The following PRKCA variants were observed in gnomAD, a reference collection of about 807,000 sequenced individuals.
The protein encoded by PRKCA is protein kinase C alpha.
A neutral mutation model predicts 87.0 loss-of-function variants in PRKCA; 27 were observed. The ratio of observed to expected loss-of-function variants is 0.31; its 90% CI spans 0.23 to 0.43. The LOEUF (loss-of-function observed/expected upper bound fraction) is 0.43. Among genes scored for constraint, PRKCA ranks in the 20% least tolerant of loss-of-function variants. The pLI is 1.00. For missense variants in PRKCA, 518 were observed against 852.3 expected (o/e 0.61, Z 4.88); for synonymous variants, 329 against 311.1 (o/e 1.06, Z -0.61).
chr17:66,364,131 T>C (rs536971816), intron 2 of PRKCA: 12 of 152,368 alleles, frequency 7.9e-5, no homozygotes, highest in African/African-American at 2.9e-4. Flanking sequence ...ACTGTGCCAG[T>C]TGAGTGCACT....
chr17:66,474,913 C>T (rs1218534507), intron 2 of PRKCA, among the ~76,000 whole-genome samples: 1 of 152,172 alleles, frequency 6.6e-6, no homozygotes, highest in Non-Finnish European at 1.5e-5. Flanking sequence ...ACCACTCAGT[C>T]CTCTCTTCTC....
In PRKCA at chr17:66,444,929, G is replaced by A. The variant is rs184451638; in HGVS notation, c.206-51272G>A. On this transcript the variant is annotated intron_variant, in intron 2 of 16. Coordinates refer to ENST00000413366, the MANE Select transcript of PRKCA (RefSeq NM_002737.3). ...AGTTAACACCTTTCCCCACTAATCA[G>A]AACACAACACACAACACACACACAC... 2.1e-3 allele frequency among the ~76,000 whole-genome samples: 318 copies of A among 152,012 alleles called. 1 individual carries two copies. Among genetic ancestry groups the A allele is most frequent in the African/African-American group, 7.0e-3 (292 of 41,442 alleles).
intron 8 of PRKCA, among the ~76,000 whole-genome samples, chr17:66,729,161 C>A (rs1486937861): frequency 2.0e-5 from 3 of 152,150 alleles, no homozygotes; most frequent in Non-Finnish European, 2.9e-5. Flanking sequence ...CCTGTAATAC[C>A]AGCACTTTGG....
intron 5 of PRKCA, among the ~76,000 whole-genome samples, chr17:66,646,713 C>T (rs1265503967): frequency 6.6e-6 from 1 of 152,166 alleles, no homozygotes; most frequent in African/African-American, 2.4e-5. Context: ...GAAACATCCT[C>T]AGGTTTTTCC....
At chr17:66,766,194 G>A (rs1334655048) in intron 13 of PRKCA, among the ~76,000 whole-genome samples, 1 of 152,218 alleles carries the variant, frequency 6.6e-6, no homozygotes, top group African/African-American at 2.4e-5. Flanking sequence ...GGAGGAAGGA[G>A]AGCGTGTTAT....
chr17:66,305,140 A>G (rs1904743665), intron 1 of PRKCA, among the ~76,000 whole-genome samples: 2 of 151,844 alleles, frequency 1.3e-5, no homozygotes, highest in South Asian at 4.2e-4. Context: ...AAGTCCCAGG[A>G]AACCATCCAC....
intron 2 of PRKCA, among the ~76,000 whole-genome samples, chr17:66,452,802 T>G (rs1035151113): frequency 1.7e-4 from 26 of 152,302 alleles, no homozygotes; most frequent in African/African-American, 6.3e-4. Flanking sequence ...AGGCGGAGCA[T>G]GCAGTGAGCC....
intron 3 of PRKCA, among the ~76,000 whole-genome samples, chr17:66,580,302 G>A (rs1007319983): frequency 6.6e-6 from 1 of 152,176 alleles, no homozygotes; most frequent in Admixed American, 6.5e-5. Context: ...GAGTCAAGAG[G>A]TCGCTTTCAG....
At chr17:66,634,289 A>AT (rs2143763308) in intron 3 of PRKCA, among the ~76,000 whole-genome samples, 1 of 152,186 alleles carries the variant, frequency 6.6e-6, no homozygotes, top group Admixed American at 6.5e-5. Context: ...CAAAGCCTTC[A>AT]TTTTTTTCTC....
At chr17:66,445,229 G>T (rs1913972371) in intron 2 of PRKCA, among the ~76,000 whole-genome samples, 1 of 152,178 alleles carries the variant, frequency 6.6e-6, no homozygotes, top group Non-Finnish European at 1.5e-5. Flanking sequence ...TGGTTTAATG[G>T]AGTCTCCACT....
chr17:66,578,153 AAC>A (rs138451427), intron 3 of PRKCA, among the ~76,000 whole-genome samples: 4 of 151,832 alleles, frequency 2.6e-5, no homozygotes, highest in South Asian at 4.2e-4. Context: ...AACAAAACAA[AAC>A]AAAACAGCCC....
At chr17:66,535,824 C>G (rs1967759718) in intron 3 of PRKCA, among the ~76,000 whole-genome samples, 1 of 152,188 alleles carries the variant, frequency 6.6e-6, no homozygotes, top group South Asian at 2.1e-4. Context: ...GAGGGGCCCC[C>G]ACAGCTGTGG....
At chr17:66,407,582 A>G (rs1227555510) in intron 2 of PRKCA, among the ~76,000 whole-genome samples, 1 of 152,160 alleles carries the variant, frequency 6.6e-6, no homozygotes, top group Non-Finnish European at 1.5e-5. Context: ...CTAATGCACC[A>G]TCTATGCATT....
rs983965768 is a variant in PRKCA at position 66,803,013 on chromosome 17, A to C, written c.1855-860A>C. Among the ~76,000 whole-genome samples, 7 of 152,146 alleles carry C rather than the reference A, an allele frequency of 4.6e-5. No homozygotes were observed. Among genetic ancestry groups the C allele is most frequent in the African/African-American group, 1.4e-4 (6 of 41,428 alleles). On this transcript the variant is annotated intron_variant, in intron 16 of 16. Transcript: ENST00000413366. This position sits in a 1 kb window ranked among gnomAD's most constrained non-coding sequence, Gnocchi z 4.4. ...ACGCCACTACCCTTGTGGGTGGCTGACAAGGTGAAGAGAACACTCCTTCCC... is the reference window on the plus strand; with the variant it reads ...ACGCCACTACCCTTGTGGGTGGCTGCCAAGGTGAAGAGAACACTCCTTCCC...
chr17:66,345,022 G>C (rs951794638), intron 2 of PRKCA, among the ~76,000 whole-genome samples: 1 of 152,112 alleles, frequency 6.6e-6, no homozygotes, highest in Non-Finnish European at 1.5e-5. Flanking sequence ...TTTATGTAAT[G>C]CCCCTGCATA....
intron 5 of PRKCA, among the ~76,000 whole-genome samples, chr17:66,675,605 T>C (rs890785405): frequency 6.6e-6 from 1 of 152,082 alleles, no homozygotes; most frequent in South Asian, 2.1e-4. Flanking sequence ...AACTGCAGTG[T>C]TGTATTAAAG....
intron 13 of PRKCA, among the ~76,000 whole-genome samples, chr17:66,768,268 G>GA (rs1974855797): frequency 7.1e-6 from 1 of 141,394 alleles, no homozygotes; most frequent in African/African-American, 2.7e-5. Flanking sequence ...TTTTGGGGGG[G>GA]AGAGATTAGG....
chr17:66,611,028 G>T (rs1353487137), intron 3 of PRKCA, among the ~76,000 whole-genome samples: 1 of 152,158 alleles, frequency 6.6e-6, no homozygotes. Context: ...AGGAACTGGG[G>T]TCAAAGACCA....
intron 13 of PRKCA, among the ~76,000 whole-genome samples, chr17:66,746,570 T>C (rs1056684070): frequency 1.3e-5 from 2 of 152,188 alleles, no homozygotes; most frequent in Non-Finnish European, 2.9e-5. Flanking sequence ...TTCTCCTTAA[T>C]AGGCAAAGCG....
Sources: allele counts gnomAD v4.1 joint callset (sites outside exome capture counted in the v4.1 genomes callset), GRCh38; gene constraint gnomAD v4.1.1; non-coding constraint Gnocchi (gnomAD v3.1); transcripts MANE v1.5; gene names NCBI Gene and HGNC (gene_info 2026-07-23, HGNC 2026-07-21).